The following CHODL variants were observed in gnomAD, a reference collection of about 807,000 sequenced individuals.
CHODL encodes chondrolectin.
CHODL carries 29 observed loss-of-function variants against 34.5 expected under a neutral mutation model. The observed-to-expected ratio is 0.84, with a 90% CI of 0.63 to 1.15. The LOEUF is 1.15. CHODL is among the 50% of genes most tolerant of loss of function. The pLI, the probability that CHODL is intolerant of heterozygous loss-of-function variation, is 0.00. For synonymous variants in CHODL, 125 were observed against 116.1 expected (o/e 1.08, Z -0.49); for missense variants, 332 against 332.5 (o/e 1.00, Z 0.01).
intron 2 of CHODL, among the ~76,000 whole-genome samples, chr21:18,122,876 G>T (rs2065497114): frequency 6.6e-6 from 1 of 152,132 alleles, no homozygotes; most frequent in Non-Finnish European, 1.5e-5. Context: ...ATCGTTTGAT[G>T]TAAAGCAACA....
intron 2 of CHODL, among the ~76,000 whole-genome samples, chr21:18,049,120 G>A (rs1033693888): frequency 6.6e-6 from 1 of 151,860 alleles, no homozygotes; most frequent in African/African-American, 2.4e-5. Flanking sequence ...AATATAAACA[G>A]ACACAGTGTT....
At chr21:18,158,531 A>T (rs1393829527) in intron 2 of CHODL, among the ~76,000 whole-genome samples, 1 of 152,230 alleles carries the variant, frequency 6.6e-6, no homozygotes, top group Non-Finnish European at 1.5e-5. Flanking sequence ...TTGCTGAGAA[A>T]AATGACATTT....
At chr21:18,116,581 T>G (rs1254484548) in intron 2 of CHODL, among the ~76,000 whole-genome samples, 3 of 152,214 alleles carry the variant, frequency 2.0e-5, no homozygotes, top group East Asian at 1.9e-4. Flanking sequence ...GAAATGCAGC[T>G]GATAGACTAA....
intron 1 of CHODL, among the ~76,000 whole-genome samples, chr21:17,945,086 C>T (rs2063395442): frequency 6.6e-6 from 1 of 151,806 alleles, no homozygotes. Flanking sequence ...GTGGCAGGTG[C>T]CTATAGTCCC....
chr21:18,157,579 T>A (rs2073048895), intron 2 of CHODL, among the ~76,000 whole-genome samples: 1 of 152,240 alleles, frequency 6.6e-6, no homozygotes, highest in African/African-American at 2.4e-5. Flanking sequence ...CTAACCATAA[T>A]GCCTTTAGGC....
intron 2 of CHODL, among the ~76,000 whole-genome samples, chr21:18,043,004 T>G (rs563417594): frequency 2.0e-5 from 3 of 152,062 alleles, no homozygotes; most frequent in South Asian, 2.1e-4. Flanking sequence ...ATGAATGAAT[T>G]ATTATTTGCT....
At chr21:17,948,043 C>A (rs190819850) in intron 1 of CHODL, among the ~76,000 whole-genome samples, 103 of 152,170 alleles carry the variant, frequency 6.8e-4, no homozygotes, top group South Asian at 3.3e-3. Context: ...CGTGCAACAA[C>A]TGAGAAACAG....
At chr21:18,236,834 T>C (rs1382533231) in intron 2 of CHODL, among the ~76,000 whole-genome samples, 7 of 152,052 alleles carry the variant, frequency 4.6e-5, no homozygotes, top group Non-Finnish European at 1.0e-4. Context: ...ATAGATAAAA[T>C]TTTATTTTGT....
At chr21:18,070,985 G>A (rs983031985) in intron 2 of CHODL, among the ~76,000 whole-genome samples, 5 of 151,068 alleles carry the variant, frequency 3.3e-5, no homozygotes, top group East Asian at 1.9e-4. Flanking sequence ...CTAGTAAATC[G>A]CAGATATTAT....
At chr21:18,066,643 T>G (rs1236308309) in intron 2 of CHODL, among the ~76,000 whole-genome samples, 3 of 152,162 alleles carry the variant, frequency 2.0e-5, no homozygotes, top group Non-Finnish European at 4.4e-5. Flanking sequence ...AGGGGGGTGT[T>G]ATGGCCTGAA....
intron 2 of CHODL, among the ~76,000 whole-genome samples, chr21:18,185,939 C>T (rs932787496): frequency 7.2e-5 from 11 of 152,030 alleles, no homozygotes; most frequent in African/African-American, 2.7e-4. Flanking sequence ...CCCAAAGGTC[C>T]CACCTTCTAA....
In CHODL at chr21:18,266,299, A is replaced by G. The variant is rs2074461281; in HGVS notation, c.*261A>G. On this transcript the variant is annotated 3_prime_UTR_variant, in exon 6 of 6. Coordinates refer to ENST00000299295, the MANE Select transcript of CHODL (RefSeq NM_024944.3). ...CAAACTTCAAGCAAATGAAATGGAC[A>G]ATGCAGATAAAGTTGTTATCAACAC... 3.7e-6 allele frequency: 4 copies of G among 1,094,812 alleles called. No individual in the cohort carries two copies. Among genetic ancestry groups the G allele is most frequent in the Middle Eastern group, 2.6e-4 (1 of 3,778 alleles). The allele number at this position is 1,094,812 out of a possible 1,614,324, so 67.8% of individuals were successfully genotyped here. A position where few individuals can be genotyped will look rare whatever the true frequency, so the allele number is the denominator to read the frequency against.
At chr21:18,141,094 A>C (rs2072795826) in intron 2 of CHODL, among the ~76,000 whole-genome samples, 1 of 152,144 alleles carries the variant, frequency 6.6e-6, no homozygotes. Context: ...TAATGTAGAT[A>C]AATGCATCAA....
chr21:18,012,189 G>C (rs2064025511), intron 1 of CHODL, among the ~76,000 whole-genome samples: 1 of 152,246 alleles, frequency 6.6e-6, no homozygotes, highest in African/African-American at 2.4e-5. Context: ...CATTCAGCCA[G>C]TGGCATTATG....
intron 2 of CHODL, among the ~76,000 whole-genome samples, chr21:18,117,492 A>G (rs946407925): frequency 2.0e-5 from 3 of 152,180 alleles, no homozygotes; most frequent in Admixed American, 1.3e-4. Flanking sequence ...CTTAATGTGT[A>G]CAATATACAG....
chr21:17,918,193 A>C lies in CHODL; in HGVS notation c.-145+793A>C, dbSNP rs572505947. ...TTTTCAAGTTTGATGAGGGGTTGAA[A>C]TATTTTATTTCATATATTTTATTTT... is the stretch of plus-strand genomic sequence containing the variant. On this transcript the variant is annotated intron_variant, in intron 1 of 6. Coordinates refer to the CHODL transcript ENST00000400127. 5.5e-4 allele frequency among the ~76,000 whole-genome samples: 83 copies of C among 152,130 alleles called. 1 individual carries two copies. The highest frequency in any genetic ancestry group is 9.6e-4 in the Non-Finnish European group (65 of 67,992).
At chr21:18,223,065 G>A (rs1232314325) in intron 2 of CHODL, among the ~76,000 whole-genome samples, 1 of 152,144 alleles carries the variant, frequency 6.6e-6, no homozygotes, top group Non-Finnish European at 1.5e-5. Context: ...GGGAAAAACT[G>A]ATCAGAAAAT....
intron 1 of CHODL, among the ~76,000 whole-genome samples, chr21:17,933,076 T>C (rs998155665): frequency 3.9e-5 from 6 of 152,176 alleles, no homozygotes; most frequent in Non-Finnish European, 7.4e-5. Flanking sequence ...AAGAGCAGTA[T>C]TGCTGCCCGC....
At chr21:18,264,805 T>G (rs2074431609) in intron 5 of CHODL, among the ~76,000 whole-genome samples, 1 of 152,076 alleles carries the variant, frequency 6.6e-6, no homozygotes, top group Admixed American at 6.6e-5. Flanking sequence ...ACTCAGAAAC[T>G]GTTATGTTAC....
Sources: allele counts gnomAD v4.1 joint callset (sites outside exome capture counted in the v4.1 genomes callset), GRCh38; gene constraint gnomAD v4.1.1; transcripts MANE v1.5; gene names NCBI Gene and HGNC (gene_info 2026-07-23, HGNC 2026-07-21).